Variants in CSNK1G1 observed in about 807,000 individuals in gnomAD.
CSNK1G1 encodes casein kinase 1 gamma 1.
A neutral mutation model predicts 59.6 loss-of-function variants in CSNK1G1; 22 were observed. The ratio of observed to expected loss-of-function variants is 0.37; its 90% CI spans 0.26 to 0.53. The LOEUF (loss-of-function observed/expected upper bound fraction) is 0.53. CSNK1G1 is among the 20% of genes least tolerant of loss of function. The probability of loss-of-function intolerance (pLI) is 0.89; values close to 1 mark genes in which losing one functional copy is unlikely to be tolerated. For synonymous variants in CSNK1G1, 179 were observed against 177.1 expected (o/e 1.01, Z -0.08); for missense variants, 384 against 519.5 (o/e 0.74, Z 2.54).
chr15:64,305,117 A>G (rs1387665268), intron 1 of CSNK1G1, among the ~76,000 whole-genome samples: 1 of 152,164 alleles, frequency 6.6e-6, no homozygotes, highest in Non-Finnish European at 1.5e-5. Flanking sequence ...ACACCCCAAC[A>G]AATTTCCCCT....
In CSNK1G1 at chr15:64,247,140, T is replaced by C. The variant is rs543059579; in HGVS notation, c.292+4372A>G. On this transcript the variant is annotated intron_variant, in intron 4 of 11. Transcript: ENST00000303052. ...CTAGAATACAAGCAAAACTGAGAGC[T>C]ATGCTGGAAAAAAGATTTATGGATT... Among the ~76,000 whole-genome samples the C allele has an allele frequency of 2.8e-4, 42 of 152,272 alleles. No individual in the cohort carries two copies. The South Asian group carries it at 3.3e-3, about 12-fold the overall frequency.
intron 10 of CSNK1G1, among the ~76,000 whole-genome samples, chr15:64,190,824 T>C (rs1473624769): frequency 1.3e-5 from 2 of 152,246 alleles, no homozygotes; most frequent in East Asian, 1.9e-4. Flanking sequence ...AGAAGTAATA[T>C]CTATAACTAA....
intron 4 of CSNK1G1, among the ~76,000 whole-genome samples, chr15:64,228,544 G>A (rs930066251): frequency 6.6e-6 from 1 of 152,124 alleles, no homozygotes; most frequent in Non-Finnish European, 1.5e-5. Context: ...GCTGAGGCAG[G>A]GGAATCACTT....
chr15:64,294,372 C>G (rs936582455), intron 2 of CSNK1G1, among the ~76,000 whole-genome samples: 2 of 151,964 alleles, frequency 1.3e-5, no homozygotes, highest in African/African-American at 4.8e-5. Flanking sequence ...CCACGCCCAG[C>G]CATAAGAGGA....
intron 3 of CSNK1G1, among the ~76,000 whole-genome samples, chr15:64,255,531 C>G (rs1469680926): frequency 6.6e-6 from 1 of 152,068 alleles, no homozygotes; most frequent in Non-Finnish European, 1.5e-5. Flanking sequence ...CTTAAGTCCT[C>G]AGCAAAAAAA....
At chr15:64,339,465 ACCACG>A (rs1389557267) in intron 1 of CSNK1G1, among the ~76,000 whole-genome samples, 2 of 152,010 alleles carry the variant, frequency 1.3e-5, no homozygotes, top group African/African-American at 2.4e-5. Flanking sequence ...GGCACCCACC[ACCACG>A]CCCGGCTAAT....
At chr15:64,352,696 C>T (rs952668808) in intron 1 of CSNK1G1, among the ~76,000 whole-genome samples, 4 of 151,102 alleles carry the variant, frequency 2.6e-5, no homozygotes, top group Admixed American at 1.3e-4. Context: ...CCGCCCACCT[C>T]GGCCTCCCAA....
chr15:64,243,694 A>T (rs1050888511), intron 4 of CSNK1G1, among the ~76,000 whole-genome samples: 3 of 152,204 alleles, frequency 2.0e-5, no homozygotes, highest in Non-Finnish European at 4.4e-5. Flanking sequence ...TTAAAAATGT[A>T]GTCAAGTTGC....
chr15:64,337,070 A>G (rs1897425377), intron 1 of CSNK1G1, among the ~76,000 whole-genome samples: 1 of 152,046 alleles, frequency 6.6e-6, no homozygotes, highest in East Asian at 1.9e-4. Flanking sequence ...TCTACTAAAA[A>G]TACAAAAATT....
chr15:64,320,453 C>T (rs545742503), intron 1 of CSNK1G1, among the ~76,000 whole-genome samples: 22 of 151,802 alleles, frequency 1.4e-4, no homozygotes, highest in Non-Finnish European at 2.4e-4. Context: ...CTGAGACAGG[C>T]GGATCACTTG....
chr15:64,237,084 T>A (rs1308601384), intron 4 of CSNK1G1, among the ~76,000 whole-genome samples: 1 of 152,114 alleles, frequency 6.6e-6, no homozygotes, highest in African/African-American at 2.4e-5. Flanking sequence ...TTTACATGAA[T>A]GTTGAGAGTG....
At chr15:64,271,383 A>T (rs1893296496) in intron 2 of CSNK1G1, among the ~76,000 whole-genome samples, 1 of 151,972 alleles carries the variant, frequency 6.6e-6, no homozygotes, top group African/African-American at 2.4e-5. Flanking sequence ...CGCCTCCCCA[A>T]GACGCAAGCA....
chr15:64,308,544 C>T, intron 1 of CSNK1G1, among the ~76,000 whole-genome samples: 1 of 152,172 alleles, frequency 6.6e-6, no homozygotes, highest in South Asian at 2.1e-4. Context: ...TTTCATCAAC[C>T]TCTGAGGACC....
Position 64,240,935 on chromosome 15 carries a change from G to A in CSNK1G1, c.292+10577C>T, listed in dbSNP as rs551279150. 3.3e-5 allele frequency among the ~76,000 whole-genome samples: 5 copies of A among 152,226 alleles called. No individual in the cohort carries two copies. In the East Asian group the frequency reaches 5.8e-4, roughly 18 times the overall value. ...TCACTACAGAAAACCACCAAGTTGCGATGATTAACAGTAAGAGAGGAATAA... is the reference window on the plus strand; with the variant it reads ...TCACTACAGAAAACCACCAAGTTGCAATGATTAACAGTAAGAGAGGAATAA... On this transcript the variant is annotated intron_variant, in intron 4 of 11. Coordinates refer to ENST00000303052, the MANE Select transcript of CSNK1G1 (RefSeq NM_022048.5).
At chr15:64,354,076 C>T (rs1032944568) in intron 1 of CSNK1G1, among the ~76,000 whole-genome samples, 4 of 152,082 alleles carry the variant, frequency 2.6e-5, no homozygotes, top group African/African-American at 7.2e-5. Flanking sequence ...GAGACCAAGG[C>T]GGATGGATTA....
chr15:64,226,104 T>C (rs995096262), intron 4 of CSNK1G1, among the ~76,000 whole-genome samples: 10 of 152,228 alleles, frequency 6.6e-5, no homozygotes, highest in African/African-American at 1.9e-4. Context: ...CACCAAGAAC[T>C]TGGACAACTC....
At chr15:64,189,596 G>C in intron 10 of CSNK1G1, 1 of 460,396 alleles carries the variant, frequency 2.2e-6, no homozygotes, top group Non-Finnish European at 3.0e-6. Flanking sequence ...TTGCTGCTCT[G>C]CATGAAAACC....
chr15:64,249,134 A>G (rs576513089), intron 4 of CSNK1G1, among the ~76,000 whole-genome samples: 79 of 152,264 alleles, frequency 5.2e-4, no homozygotes, highest in South Asian at 1.0e-3. Flanking sequence ...TTTAAAAATA[A>G]TAAATATATA....
chr15:64,185,382 T>C (rs1187497138), intron 10 of CSNK1G1, among the ~76,000 whole-genome samples: 4 of 151,622 alleles, frequency 2.6e-5, no homozygotes, highest in African/African-American at 9.7e-5. Flanking sequence ...CTAAAAACAG[T>C]GTCAGCCCAA....
Sources: gnomAD v4.1 joint callset for allele counts (sites outside exome capture counted in the v4.1 genomes callset) on GRCh38, gnomAD v4.1.1 for gene constraint, MANE v1.5 for transcripts, NCBI Gene and HGNC (gene_info 2026-07-23, HGNC 2026-07-21) for gene names.